Variants in SORT1 observed in about 807,000 individuals in gnomAD.
SORT1 encodes sortilin 1, also known as sortilin.
Under a neutral mutation model 101.7 loss-of-function variants are expected in SORT1, and 39 were observed. The ratio of observed to expected loss-of-function variants is 0.38; its 90% CI spans 0.30 to 0.50. The LOEUF (loss-of-function observed/expected upper bound fraction) is 0.50, where lower values mean the gene tolerates loss of function less well. Ranked by LOEUF, SORT1 falls within the 20% of genes least tolerant of loss-of-function variation. The pLI is 0.90. For missense variants in SORT1, 878 were observed against 1,040.4 expected, an observed-to-expected ratio of 0.84 and a Z score of 2.15; for synonymous variants, 396 against 393.7, an observed-to-expected ratio of 1.01 and a Z score of -0.07.
At chr1:109,381,744 G>T (rs1468599907) in intron 1 of SORT1, among the ~76,000 whole-genome samples, 2 of 152,054 alleles carry the variant, frequency 1.3e-5, no homozygotes, top group African/African-American at 4.8e-5. Context: ...AACTAGCCAG[G>T]CATGGTGGCA....
chr1:109,345,022 T>C (rs1219916151), intron 8 of SORT1, among the ~76,000 whole-genome samples: 1 of 152,170 alleles, frequency 6.6e-6, no homozygotes, highest in Non-Finnish European at 1.5e-5. Flanking sequence ...TGAGTATTTA[T>C]TTTCCCCCTT....
Position 109,312,408 on chromosome 1 carries a change from A to G in SORT1, c.*1635T>C, listed in dbSNP as rs963143331. On this transcript the variant is annotated 3_prime_UTR_variant, in exon 20 of 20. Coordinates refer to ENST00000256637, the MANE Select transcript of SORT1 (RefSeq NM_002959.7). ...AGTTTTAACATCTCTAAAAGTCTCC[A>G]TCCACTCTCTCCCCCACTTTCCACG... The G allele has an allele frequency of 1.3e-5, 2 of 152,404 alleles. No individual in the cohort carries two copies. The highest frequency in any genetic ancestry group is 2.9e-5 in the Non-Finnish European group (2 of 68,012). The allele number at this position is 152,404 out of a possible 1,614,324, so 9.4% of individuals were successfully genotyped here.
At chr1:109,343,783 G>A (rs1424513144) in intron 8 of SORT1, among the ~76,000 whole-genome samples, 1 of 152,128 alleles carries the variant, frequency 6.6e-6, no homozygotes, top group African/African-American at 2.4e-5. Flanking sequence ...CGAGTAGCTG[G>A]GATTACAGGC....
chr1:109,316,497 G>C (rs1048644581), intron 17 of SORT1, among the ~76,000 whole-genome samples: 5 of 152,162 alleles, frequency 3.3e-5, no homozygotes, highest in African/African-American at 4.8e-5. Context: ...CTTCCAAAGT[G>C]CTGGGATTAC....
chr1:109,353,475 T>G (rs1480195834), intron 5 of SORT1, among the ~76,000 whole-genome samples: 1 of 152,052 alleles, frequency 6.6e-6, no homozygotes, highest in Non-Finnish European at 1.5e-5. Flanking sequence ...TCCTCCTATG[T>G]CATCCTTTGC....
At position 109,323,828 on chromosome 1, in the gene SORT1, G is replaced by A. The variant is rs369511808; in HGVS notation, c.1835-707C>T. Among the ~76,000 whole-genome samples, 17 of 152,314 alleles carry A rather than the reference G, an allele frequency of 1.1e-4. No homozygotes were observed. In the East Asian group the frequency reaches 3.3e-3, roughly 29 times the overall value. ...CTTTTAATGACATTACACTTTAGGG[G>A]TAACTGGGAGCTGCCTGCTGAGGGG... On this transcript the variant is annotated intron_variant, in intron 14 of 19. Coordinates refer to ENST00000256637, the MANE Select transcript of SORT1 (RefSeq NM_002959.7).
At chr1:109,393,465 TA>T in intron 1 of SORT1, 1 of 226,806 alleles carries the variant, frequency 4.4e-6, no homozygotes, top group Non-Finnish European at 7.3e-6. Context: ...TCTGTTCCTT[TA>T]AGACAGTTTC....
chr1:109,364,699 A>G (rs1650966879), intron 3 of SORT1, among the ~76,000 whole-genome samples: 3 of 152,168 alleles, frequency 2.0e-5, no homozygotes, highest in African/African-American at 7.2e-5. Context: ...GAAGACGTGG[A>G]GGCATCTGGG....
chr1:109,329,228 A>G (rs1352914231), intron 11 of SORT1, among the ~76,000 whole-genome samples: 1 of 152,202 alleles, frequency 6.6e-6, no homozygotes, highest in Non-Finnish European at 1.5e-5. Context: ...CTCAAATGGT[A>G]GCCAAAAGAG....
At chr1:109,387,724 G>A (rs1354738078) in intron 1 of SORT1, among the ~76,000 whole-genome samples, 1 of 152,122 alleles carries the variant, frequency 6.6e-6, no homozygotes, top group African/African-American at 2.4e-5. Flanking sequence ...GGGCCGAGGT[G>A]GGTGGATCAC....
chr1:109,323,853 G>T (rs1412320623), intron 14 of SORT1, among the ~76,000 whole-genome samples: 1 of 152,194 alleles, frequency 6.6e-6, no homozygotes, highest in Non-Finnish European at 1.5e-5. Flanking sequence ...CTGCTGAGGG[G>T]AGAACTCCCA....
At chr1:109,369,448 T>G in intron 2 of SORT1, 82 bp downstream of exon 2, 11 of 848,752 alleles carry the variant, frequency 1.3e-5, no homozygotes, top group Non-Finnish European at 2.2e-5. Context: ...CAGGAAGAAA[T>G]GATATTAGGT....
chr1:109,319,632 G>A (rs776216183), intron 15 of SORT1, among the ~76,000 whole-genome samples: 27 of 152,210 alleles, frequency 1.8e-4, no homozygotes, highest in Admixed American at 3.3e-4. Context: ...TTGGGAGGCC[G>A]AGGCAGGCGG....
At chr1:109,352,182 C>T (rs1227729119) in intron 5 of SORT1, among the ~76,000 whole-genome samples, 2 of 152,002 alleles carry the variant, frequency 1.3e-5, no homozygotes, top group Admixed American at 1.3e-4. Flanking sequence ...GAACATCCAG[C>T]TAGAGATATT....
At chr1:109,327,288 A>G (rs1648141251) in intron 12 of SORT1, 128 bp from the exon 13 acceptor site, 1 of 896,948 alleles carries the variant, frequency 1.1e-6, no homozygotes, top group Admixed American at 3.0e-5. Flanking sequence ...AGTAGGAAAG[A>G]AAACCACCAA....
At chr1:109,347,227 C>T (rs1223225920) in intron 7 of SORT1, among the ~76,000 whole-genome samples, 1 of 152,208 alleles carries the variant, frequency 6.6e-6, no homozygotes, top group Admixed American at 6.5e-5. Context: ...TTGTCTGTAG[C>T]ATAATATTTG....
chr1:109,319,128 T>C (rs113538121), intron 15 of SORT1, among the ~76,000 whole-genome samples: 65 of 152,348 alleles, frequency 4.3e-4, no homozygotes, highest in African/African-American at 1.4e-3. Flanking sequence ...GCCCTTGCAG[T>C]ACACGGCAAA....
chr1:109,359,653 C>T (rs1650579206), intron 3 of SORT1, among the ~76,000 whole-genome samples: 1 of 152,132 alleles, frequency 6.6e-6, no homozygotes, highest in African/African-American at 2.4e-5. Flanking sequence ...GTATGTGCCA[C>T]CACACCCAGC....
At chr1:109,335,899 C>A (rs1438048822) in intron 11 of SORT1, among the ~76,000 whole-genome samples, 2 of 152,214 alleles carry the variant, frequency 1.3e-5, no homozygotes, top group Non-Finnish European at 2.9e-5. Flanking sequence ...GGTGGAGCTG[C>A]GGCTTCTTGC....
Sources: gnomAD v4.1 joint callset for allele counts (sites outside exome capture counted in the v4.1 genomes callset) on GRCh38, gnomAD v4.1.1 for gene constraint, MANE v1.5 for transcripts, NCBI Gene and HGNC (gene_info 2026-07-23, HGNC 2026-07-21) for gene names.